Variants in NRXN3 observed in about 807,000 individuals in gnomAD.
NRXN3 encodes the protein neurexin 3, also known as neurexin III.
In NRXN3, 32 loss-of-function variants were observed where a neutral mutation model predicts 137.6. That is an observed-to-expected ratio of 0.23 (90% confidence interval 0.18 to 0.31). The LOEUF (loss-of-function observed/expected upper bound fraction) is 0.31, where lower values mean the gene tolerates loss of function less well. Ranked by LOEUF, NRXN3 falls within the 10% of genes least tolerant of loss-of-function variation. NRXN3 has a pLI of 1.00. For synonymous variants in NRXN3, 798 were observed against 784.5 expected (o/e 1.02, Z -0.29); for missense variants, 1,574 against 2,062.5 (o/e 0.76, Z 4.59).
chr14:79,831,272 T>A (rs150741367), intron 20 of NRXN3, among the ~76,000 whole-genome samples: 2 of 152,358 alleles, frequency 1.3e-5, no homozygotes, highest in East Asian at 3.9e-4. Flanking sequence ...TTTTCTCTTT[T>A]GCATAATCTT....
At chr14:78,726,950 T>G (rs1451394041) in intron 8 of NRXN3, among the ~76,000 whole-genome samples, 1 of 128,366 alleles carries the variant, frequency 7.8e-6, no homozygotes, top group Non-Finnish European at 1.6e-5. Context: ...CTATACAGGA[T>G]TTATTCACTA....
At chr14:79,842,053 G>A (rs977178906) in intron 20 of NRXN3, among the ~76,000 whole-genome samples, 5 of 152,138 alleles carry the variant, frequency 3.3e-5, no homozygotes, top group African/African-American at 1.2e-4. Context: ...GAAAAACAGA[G>A]TGGGCTCCTT....
In NRXN3 at chr14:78,442,984, T is replaced by C. The variant is rs116755813; in HGVS notation, c.757+145124T>C. Among the ~76,000 whole-genome samples the C allele has an allele frequency of 6.3e-3, 966 of 152,282 alleles. 11 individuals carry two copies. The highest frequency in any genetic ancestry group is 0.022 in the African/African-American group (909 of 41,554). Reference sequence around the variant, plus strand: ...GATCCTCATTTTACATTTGAGGAAATGGACAGAGGTGGGAAGGGGCTTGTG... The same window carrying C: ...GATCCTCATTTTACATTTGAGGAAACGGACAGAGGTGGGAAGGGGCTTGTG... On this transcript the variant is annotated intron_variant, in intron 4 of 20. Coordinates refer to ENST00000335750, the MANE Select transcript of NRXN3 (RefSeq NM_001330195.2).
At chr14:79,713,520 G>A (rs1244667421) in intron 19 of NRXN3, among the ~76,000 whole-genome samples, 3 of 143,460 alleles carry the variant, frequency 2.1e-5, no homozygotes, top group Non-Finnish European at 4.6e-5. Context: ...CCTTGGGTTA[G>A]AGAGGGAATT....
intron 16 of NRXN3, among the ~76,000 whole-genome samples, chr14:79,601,040 C>CTTTTTT (rs36044631): frequency 4.8e-4 from 45 of 93,394 alleles, no homozygotes; most frequent in Non-Finnish European, 6.0e-4. Flanking sequence ...TCTTTGTTGC[C>CTTTTTT]TTTTTTTTTT....
chr14:78,963,307 C>T (rs149308991), intron 11 of NRXN3, among the ~76,000 whole-genome samples: 198 of 152,284 alleles, frequency 1.3e-3, no homozygotes, highest in African/African-American at 4.5e-3. Context: ...CCTTTTGGAA[C>T]CTCAATCTTC....
chr14:78,599,045 G>A (rs921097810), intron 4 of NRXN3, among the ~76,000 whole-genome samples: 2 of 152,206 alleles, frequency 1.3e-5, no homozygotes, highest in Admixed American at 6.5e-5. Context: ...TAATACAAGA[G>A]GATTAATTTA....
At chr14:79,162,877 C>G (rs1468043635) in intron 15 of NRXN3, among the ~76,000 whole-genome samples, 1 of 151,860 alleles carries the variant, frequency 6.6e-6, no homozygotes, top group African/African-American at 2.4e-5. Context: ...TCCACCCTGC[C>G]TATCCTCATT....
rs537920457 is a variant in NRXN3, at chr14:79,065,248, C to T, written c.3262+77107C>T. Among the ~76,000 whole-genome samples, 16 of 152,058 alleles carry T rather than the reference C, an allele frequency of 1.1e-4. No homozygotes were observed. In the South Asian group the frequency reaches 2.7e-3, roughly 26 times the overall value. Reference sequence around the variant, plus strand: ...CCTGATACACTGGGTATTCTTCAGACGGATAACATTTGATTTAGATTCTGA... The same window carrying T: ...CCTGATACACTGGGTATTCTTCAGATGGATAACATTTGATTTAGATTCTGA... On this transcript the variant is annotated intron_variant, in intron 15 of 20. Coordinates refer to ENST00000335750, the MANE Select transcript of NRXN3 (RefSeq NM_001330195.2).
chr14:78,464,920 A>C (rs1304108792), intron 4 of NRXN3, among the ~76,000 whole-genome samples: 2 of 152,216 alleles, frequency 1.3e-5, no homozygotes, highest in Admixed American at 1.3e-4. Flanking sequence ...ATCAAGGTAT[A>C]TTAACATTCA....
At chr14:79,521,214 A>G (rs1435963004) in intron 16 of NRXN3, among the ~76,000 whole-genome samples, 2 of 152,028 alleles carry the variant, frequency 1.3e-5, no homozygotes, top group Non-Finnish European at 2.9e-5. Context: ...TTACTTTATC[A>G]TATAGTTTCT....
intron 10 of NRXN3, among the ~76,000 whole-genome samples, chr14:78,897,814 A>G (rs2099182220): frequency 6.6e-6 from 1 of 151,986 alleles, no homozygotes; most frequent in Admixed American, 6.6e-5. Context: ...TTTCACATGT[A>G]TAAATTCCTT....
At chr14:78,607,673 T>A (rs2152457871) in intron 4 of NRXN3, among the ~76,000 whole-genome samples, 1 of 152,334 alleles carries the variant, frequency 6.6e-6, no homozygotes, top group Non-Finnish European at 1.5e-5. Flanking sequence ...CCAAATTTAT[T>A]ATTTGAGTGA....
At chr14:78,924,121 C>A (rs1443175613) in intron 10 of NRXN3, among the ~76,000 whole-genome samples, 2 of 152,036 alleles carry the variant, frequency 1.3e-5, no homozygotes, top group Non-Finnish European at 2.9e-5. Flanking sequence ...TGGTGGCACA[C>A]GCCTATAATC....
chr14:78,300,916 T>C (rs530299289), intron 4 of NRXN3, among the ~76,000 whole-genome samples: 106 of 152,338 alleles, frequency 7.0e-4, no homozygotes, highest in African/African-American at 2.5e-3. Context: ...TGCCTCCCTC[T>C]AAACTGAGGG....
Position 78,390,396 on chromosome 14 carries a change from C to T in NRXN3, c.757+92536C>T, listed in dbSNP as rs539737165. Among the ~76,000 whole-genome samples the T allele has an allele frequency of 5.3e-5, 8 of 152,260 alleles. No individual in the cohort carries two copies. The South Asian group carries it at 1.7e-3, about 32-fold the overall frequency. Reference sequence around the variant, plus strand: ...CAAAGCCTAATCTGCTTTGCTGCCTCCTGATCTAGAAGATTTAGACTAGGA... The same window carrying T: ...CAAAGCCTAATCTGCTTTGCTGCCTTCTGATCTAGAAGATTTAGACTAGGA... On this transcript the variant is annotated intron_variant, in intron 4 of 20. Transcript: ENST00000335750.
chr14:78,216,372 C>T lies in NRXN3; in HGVS notation c.-703-26019C>T, dbSNP rs1595993265. On this transcript the variant is annotated intron_variant, in intron 1 of 20. Transcript: ENST00000335750. ...GTCTCTGTGGCTTGTTCTTTTTGTT[C>T]CATTGCTCAGATGAGTAAACTGAGG... Among the ~76,000 whole-genome samples the T allele has an allele frequency of 3.3e-5, 5 of 152,228 alleles. No homozygotes were observed. In the South Asian group the frequency reaches 1.0e-3, roughly 32 times the overall value.
intron 15 of NRXN3, among the ~76,000 whole-genome samples, chr14:79,291,792 G>A (rs2083251769): frequency 6.6e-6 from 1 of 151,474 alleles, no homozygotes; most frequent in Non-Finnish European, 1.5e-5. Flanking sequence ...CCTGAATGGT[G>A]GGAAAAAATT....
At chr14:79,599,733 G>A (rs935016604) in intron 16 of NRXN3, among the ~76,000 whole-genome samples, 4 of 152,192 alleles carry the variant, frequency 2.6e-5, no homozygotes, top group African/African-American at 9.7e-5. Context: ...AGTGGCTCAT[G>A]CCTGTAATCC....
Sources: allele counts gnomAD v4.1 joint callset (sites outside exome capture counted in the v4.1 genomes callset), GRCh38; gene constraint gnomAD v4.1.1; transcripts MANE v1.5; gene names NCBI Gene and HGNC (gene_info 2026-07-23, HGNC 2026-07-21).